Variants in EFCAB6 observed in about 807,000 individuals in gnomAD.
The protein encoded by EFCAB6 is EF-hand calcium binding domain 6.
A neutral mutation model predicts 169.8 loss-of-function variants in EFCAB6; 156 were observed. That is an observed-to-expected ratio of 0.92 (90% CI 0.81 to 1.05). The LOEUF (loss-of-function observed/expected upper bound fraction) is 1.05. Among genes scored for constraint, EFCAB6 ranks in the 50% least tolerant of loss-of-function variants. The pLI, the probability that EFCAB6 is intolerant of heterozygous loss-of-function variation, is 0.00. For missense variants in EFCAB6, 1,800 were observed against 1,829.1 expected (o/e 0.98, Z 0.29); for synonymous variants, 698 against 676.4 (o/e 1.03, Z -0.50).
intron 6 of EFCAB6, among the ~76,000 whole-genome samples, chr22:43,738,934 T>G (rs933478581): frequency 1.3e-5 from 2 of 152,166 alleles, no homozygotes; most frequent in Admixed American, 1.3e-4. Flanking sequence ...TATGGCCAGG[T>G]GGGGCCACGT....
At chr22:43,727,789 T>G (rs2059792144) in intron 8 of EFCAB6, among the ~76,000 whole-genome samples, 1 of 152,210 alleles carries the variant, frequency 6.6e-6, no homozygotes, top group South Asian at 2.1e-4. Context: ...GACTAGATAA[T>G]TTATAAAGAA....
At chr22:43,784,794 T>C (rs868397231) in intron 2 of EFCAB6, among the ~76,000 whole-genome samples, 14 of 148,470 alleles carry the variant, frequency 9.4e-5, no homozygotes, top group African/African-American at 3.0e-4. Context: ...GTAGAATCAC[T>C]GAGCCCTGGC....
chr22:43,533,427 G>A (rs1426120881), intron 30 of EFCAB6: 1 of 152,230 alleles, frequency 6.6e-6, no homozygotes, highest in Non-Finnish European at 1.5e-5. Flanking sequence ...CAGACGCCTG[G>A]GAAGAGCCAC....
chr22:43,796,085 T>G (rs1453329990), intron 2 of EFCAB6, among the ~76,000 whole-genome samples: 1 of 151,774 alleles, frequency 6.6e-6, no homozygotes, highest in African/African-American at 2.4e-5. Flanking sequence ...CCACATGTCC[T>G]TCTACTCCTG....
intron 10 of EFCAB6, among the ~76,000 whole-genome samples, chr22:43,701,570 A>T (rs925487007): frequency 6.6e-6 from 1 of 152,186 alleles, no homozygotes; most frequent in African/African-American, 2.4e-5. Flanking sequence ...ATTATTGATA[A>T]GAATTTAATA....
intron 24 of EFCAB6, among the ~76,000 whole-genome samples, chr22:43,583,392 A>G (rs554164435): frequency 1.3e-5 from 2 of 151,922 alleles, no homozygotes; most frequent in East Asian, 3.9e-4. Flanking sequence ...GTCGTTTCAG[A>G]TAAAGTCTCT....
At chr22:43,794,078 G>C (rs1312943638) in intron 2 of EFCAB6, among the ~76,000 whole-genome samples, 1 of 151,926 alleles carries the variant, frequency 6.6e-6, no homozygotes, top group Non-Finnish European at 1.5e-5. Flanking sequence ...TGGGGGATGG[G>C]GCCCAGCCAT....
At chr22:43,690,059 C>T (rs557719165) in intron 10 of EFCAB6, among the ~76,000 whole-genome samples, 3 of 152,270 alleles carry the variant, frequency 2.0e-5, no homozygotes, top group African/African-American at 7.2e-5. Flanking sequence ...TACATATCCA[C>T]CCAGCCAGAT....
rs149813037 is a variant in EFCAB6, at chr22:43,563,950, G to A, written c.3421-8854C>T. Among the ~76,000 whole-genome samples the A allele has an allele frequency of 4.7e-3, 722 of 152,336 alleles. 4 individuals carry two copies. The highest frequency in any genetic ancestry group is 0.034 in the Middle Eastern group (10 of 294). Reference sequence around the variant, plus strand: ...GGTGAGCTCTGGGCAGCAGGGCTGTGGGGGTCCAATCACAGGCTCCAATTG... The same window carrying A: ...GGTGAGCTCTGGGCAGCAGGGCTGTAGGGGTCCAATCACAGGCTCCAATTG... On this transcript the variant is annotated intron_variant, in intron 26 of 31. Transcript: ENST00000262726.
intron 27 of EFCAB6, among the ~76,000 whole-genome samples, chr22:43,545,411 T>C (rs953908185): frequency 6.6e-6 from 1 of 152,228 alleles, no homozygotes; most frequent in African/African-American, 2.4e-5. Context: ...ACCCAGTTGA[T>C]GGATACATAT....
chr22:43,781,244 C>T (rs1161182738), intron 3 of EFCAB6, among the ~76,000 whole-genome samples: 2 of 152,180 alleles, frequency 1.3e-5, no homozygotes, highest in Non-Finnish European at 2.9e-5. Context: ...AAACCTATGT[C>T]CACATAAAAA....
rs563490602 is a variant in EFCAB6, at chr22:43,811,719, A to C, written c.-145+449T>G. Among the ~76,000 whole-genome samples, 190 of 152,304 alleles carry C rather than the reference A, an allele frequency of 1.2e-3. 1 individual carries two copies. The highest frequency in any genetic ancestry group is 4.4e-3 in the African/African-American group (181 of 41,576). On this transcript the variant is annotated intron_variant, in intron 1 of 31. Transcript: ENST00000262726. Reference sequence around the variant, plus strand: ...CTTTGGAAAAGCCCCTTCACCCCACAGGTTTCAAGTCCTCGTCTGTCTACA... The same window carrying C: ...CTTTGGAAAAGCCCCTTCACCCCACCGGTTTCAAGTCCTCGTCTGTCTACA...
At chr22:43,691,500 G>C (rs2058411407) in intron 10 of EFCAB6, among the ~76,000 whole-genome samples, 1 of 151,836 alleles carries the variant, frequency 6.6e-6, no homozygotes, top group African/African-American at 2.4e-5. Flanking sequence ...TACAAAAAAA[G>C]TAGAAAAAAA....
rs148796139 is a variant in EFCAB6, at chr22:43,600,813, C to T, written c.2682-550G>A. Reference sequence around the variant, plus strand: ...CGAGTAGCTGGGATTACAGCGCCGGCCACCATGCCCGGCTAATGTTTCTAT... The same window carrying T: ...CGAGTAGCTGGGATTACAGCGCCGGTCACCATGCCCGGCTAATGTTTCTAT... On this transcript the variant is annotated intron_variant, in intron 22 of 31. Coordinates refer to ENST00000262726, the MANE Select transcript of EFCAB6 (RefSeq NM_022785.4). Among the ~76,000 whole-genome samples, 42 of 152,176 alleles carry T rather than the reference C, an allele frequency of 2.8e-4. 1 individual carries two copies. Among genetic ancestry groups the T allele is most frequent in the African/African-American group, 9.6e-4 (40 of 41,520 alleles).
At chr22:43,696,530 C>T (rs1002018691) in intron 10 of EFCAB6, among the ~76,000 whole-genome samples, 5 of 152,156 alleles carry the variant, frequency 3.3e-5, no homozygotes, top group Non-Finnish European at 4.4e-5. Flanking sequence ...TTACCCCAAA[C>T]TGAAAACAAC....
chr22:43,616,203 AG>A (rs1221695777), intron 20 of EFCAB6, among the ~76,000 whole-genome samples: 2 of 152,348 alleles, frequency 1.3e-5, no homozygotes, highest in African/African-American at 2.4e-5. Context: ...TATTCTCAGA[AG>A]GGGGAAAACA....
In EFCAB6 at chr22:43,782,207, A is replaced by G. The variant is rs2061845230; in HGVS notation, c.112T>C (p.Ser38Pro). The G allele has an allele frequency of 6.2e-6, 10 of 1,612,532 alleles. No homozygotes were observed. The highest frequency in any genetic ancestry group is 7.6e-6 in the Non-Finnish European group (9 of 1,179,628). ...SPCRVYSRNG[S>P]PNKFRSSSTT... ...GAAGAAGATCTGAACTTATTTGGGG[A>G]ACCATTCCTTGAATATACTCTACAC... is the stretch of plus-strand genomic sequence containing the variant. Residue 38 changes from serine to proline, a missense_variant, in exon 3 of 32, where the codon TCC becomes CCC. Coordinates refer to ENST00000262726, the MANE Select transcript of EFCAB6 (RefSeq NM_022785.4).
chr22:43,795,348 C>T lies in EFCAB6; in HGVS notation c.-7-13023G>A, dbSNP rs1053478976. ...TATGACAAAAATTGCTACCTGGGGA[C>T]GATGGAGACATTGATCTTTTTATGT... is the stretch of plus-strand genomic sequence containing the variant. On this transcript the variant is annotated intron_variant, in intron 2 of 31. Coordinates refer to ENST00000262726, the MANE Select transcript of EFCAB6 (RefSeq NM_022785.4). This position sits in a 1 kb window ranked among gnomAD's most constrained non-coding sequence, Gnocchi z 4.2. Among the ~76,000 whole-genome samples, 3 of 152,098 alleles carry T rather than the reference C, an allele frequency of 2.0e-5. No homozygotes were observed. The highest frequency in any genetic ancestry group is 4.4e-5 in the Non-Finnish European group (3 of 68,018).
At chr22:43,600,353 T>A in intron 22 of EFCAB6, 90 bp from the exon 23 acceptor site, 1 of 1,322,934 alleles carries the variant, frequency 7.6e-7, no homozygotes, top group South Asian at 1.3e-5. Context: ...GCACCATCCA[T>A]GAGGAGCTCG....
Sources: gnomAD v4.1 joint callset for allele counts (sites outside exome capture counted in the v4.1 genomes callset) on GRCh38, gnomAD v4.1.1 for gene constraint, Gnocchi (gnomAD v3.1) non-coding constraint, MANE v1.5 for transcripts, NCBI Gene and HGNC (gene_info 2026-07-23, HGNC 2026-07-21) for gene names.